SMAP1: variants seen among roughly 807,000 people sequenced by gnomAD.
The protein encoded by SMAP1 is stromal membrane-associated protein 1.
SMAP1 carries 24 observed loss-of-function variants against 58.5 expected under a neutral mutation model. That is an observed-to-expected ratio of 0.41 (90% CI 0.30 to 0.58). SMAP1 has a LOEUF of 0.58. Among genes scored for constraint, SMAP1 ranks in the 20% least tolerant of loss-of-function variants. The probability of loss-of-function intolerance (pLI) is 0.29; values close to 1 mark genes in which losing one functional copy is unlikely to be tolerated. For missense variants in SMAP1, 563 were observed against 566.3 expected, an observed-to-expected ratio of 0.99 and a Z score of 0.06; for synonymous variants, 216 against 196.6, an observed-to-expected ratio of 1.10 and a Z score of -0.82.
chr6:70,832,417 A>C (rs983491738), intron 6 of SMAP1, among the ~76,000 whole-genome samples: 7 of 152,174 alleles, frequency 4.6e-5, no homozygotes, highest in African/African-American at 1.4e-4. Flanking sequence ...GCTATTTAAA[A>C]ATTTTTTTAA....
At chr6:70,728,857 A>T (rs1052891862) in intron 1 of SMAP1, among the ~76,000 whole-genome samples, 1 of 152,190 alleles carries the variant, frequency 6.6e-6, no homozygotes, top group Admixed American at 6.5e-5. Flanking sequence ...CTGATAATGA[A>T]TTCAGAGTGG....
chr6:70,846,245 C>T (rs769425069), intron 7 of SMAP1, among the ~76,000 whole-genome samples: 3 of 152,148 alleles, frequency 2.0e-5, no homozygotes, highest in Admixed American at 2.0e-4. Context: ...ATTTGTTTTC[C>T]GCCATGGCTC....
intron 1 of SMAP1, among the ~76,000 whole-genome samples, chr6:70,723,656 C>T (rs538973810): frequency 2.4e-4 from 36 of 152,272 alleles, no homozygotes; most frequent in African/African-American, 8.2e-4. Context: ...AGTATAAGTT[C>T]CATGATGGCT....
chr6:70,709,824 A>G (rs960358226), intron 1 of SMAP1, among the ~76,000 whole-genome samples: 1 of 151,978 alleles, frequency 6.6e-6, no homozygotes, highest in Non-Finnish European at 1.5e-5. Context: ...AATTCTTCCA[A>G]TTCATGAACA....
intron 1 of SMAP1, among the ~76,000 whole-genome samples, chr6:70,686,751 G>A (rs747471119): frequency 6.6e-6 from 1 of 152,110 alleles, no homozygotes; most frequent in African/African-American, 2.4e-5. Context: ...GTGAAAATGC[G>A]TTATTGCTGT....
At chr6:70,689,745 G>T (rs1305960996) in intron 1 of SMAP1, among the ~76,000 whole-genome samples, 1 of 151,860 alleles carries the variant, frequency 6.6e-6, no homozygotes, top group Non-Finnish European at 1.5e-5. Context: ...ATTTTGCTTG[G>T]CAGTATTTTA....
intron 6 of SMAP1, among the ~76,000 whole-genome samples, chr6:70,815,422 G>T (rs1769575723): frequency 6.6e-6 from 1 of 152,142 alleles, no homozygotes; most frequent in Non-Finnish European, 1.5e-5. Context: ...TAAAATATTT[G>T]TGGAATATGA....
In SMAP1 at chr6:70,858,033, A is replaced by G; in HGVS notation, c.1073A>G (p.Asn358Ser). The G allele has an allele frequency of 6.2e-7, 1 of 1,614,096 alleles. No individual in the cohort carries two copies. The highest frequency in any genetic ancestry group is 1.7e-5 in the Admixed American group (1 of 60,018). Residue 358 changes from asparagine (N) to serine (S), a missense_variant, in exon 10 of 11, where the codon AAT becomes AGT. Around this residue, in one of 3 missense-constraint regions of SMAP1, gnomAD observed 494 missense variants for 473.8 expected, o/e 1.04. Coordinates refer to ENST00000370455, the MANE Select transcript of SMAP1 (RefSeq NM_001044305.3). The part of the protein sequence containing the change: ...PVPAAPGLIG[N>S]VMGQSPSMMV... ...CCTGCAGCTCCTGGCCTTATAGGAA[A>G]TGTGATGGGACAGAGTCCAAGCATG...
intron 6 of SMAP1, among the ~76,000 whole-genome samples, chr6:70,812,894 A>G (rs945393329): frequency 6.6e-6 from 1 of 152,104 alleles, no homozygotes; most frequent in Non-Finnish European, 1.5e-5. Flanking sequence ...TCTCCTTTCT[A>G]CATAACAAGG....
At chr6:70,859,677 A>G (rs1364143866) in intron 10 of SMAP1, 1 of 244,186 alleles carries the variant, frequency 4.1e-6, no homozygotes, top group Non-Finnish European at 7.8e-6. Context: ...TTGAAGAAAA[A>G]TACATGTAAT....
At chr6:70,740,411 T>G in intron 2 of SMAP1, among the ~76,000 whole-genome samples, 1 of 150,706 alleles carries the variant, frequency 6.6e-6, no homozygotes. Context: ...ATAGAAAAAT[T>G]AGCTGGGCAT....
chr6:70,811,480 G>A (rs943930969), intron 6 of SMAP1, among the ~76,000 whole-genome samples: 1 of 151,990 alleles, frequency 6.6e-6, no homozygotes, highest in Non-Finnish European at 1.5e-5. Context: ...CGCGATCCTC[G>A]GGAGGGCACC....
chr6:70,749,484 A>G (rs1423411301), intron 2 of SMAP1, among the ~76,000 whole-genome samples: 2 of 152,178 alleles, frequency 1.3e-5, no homozygotes, highest in Non-Finnish European at 1.5e-5. Context: ...AGATTTGACT[A>G]TTTTAACATT....
intron 1 of SMAP1, among the ~76,000 whole-genome samples, chr6:70,689,141 T>C (rs1767053538): frequency 6.6e-6 from 1 of 152,230 alleles, no homozygotes; most frequent in Admixed American, 6.5e-5. Context: ...CCTAAGTAGC[T>C]GGGATTACAG....
intron 1 of SMAP1, among the ~76,000 whole-genome samples, chr6:70,702,606 A>C (rs750815811): frequency 6.6e-6 from 1 of 150,708 alleles, no homozygotes; most frequent in Middle Eastern, 3.5e-3. Context: ...TCTTCTTCAC[A>C]TGTTCAGCCT....
intron 1 of SMAP1, among the ~76,000 whole-genome samples, chr6:70,681,657 G>T (rs933460911): frequency 4.6e-5 from 7 of 152,150 alleles, no homozygotes; most frequent in African/African-American, 1.4e-4. Flanking sequence ...AACCTTTGGT[G>T]CCTTTTGTAT....
intron 1 of SMAP1, 41 bp downstream of exon 1, chr6:70,668,182 G>C: frequency 1.3e-6 from 2 of 1,541,198 alleles, no homozygotes; most frequent in Non-Finnish European, 1.8e-6. Context: ...GGGGCCTCTT[G>C]CGACCGGTGA....
At chr6:70,771,741 A>G (rs1035991821) in intron 3 of SMAP1, among the ~76,000 whole-genome samples, 1 of 151,996 alleles carries the variant, frequency 6.6e-6, no homozygotes, top group African/African-American at 2.4e-5. Context: ...CCGCTCGCCC[A>G]CGGTGTGCTG....
At chr6:70,668,672 G>C (rs745917217) in intron 1 of SMAP1, 216 of 1,535,910 alleles carry the variant, frequency 1.4e-4, no homozygotes, top group Non-Finnish European at 1.8e-4. Context: ...TTTGTACAAG[G>C]CTTTTATCTC....
Sources: gnomAD v4.1 joint callset for allele counts (sites outside exome capture counted in the v4.1 genomes callset) on GRCh38, gnomAD v4.1.1 for gene constraint, gnomAD v4.1.1 regional missense constraint, MANE v1.5 for transcripts, NCBI Gene and HGNC (gene_info 2026-07-23, HGNC 2026-07-21) for gene names.